The following AFF2 variants were observed in gnomAD, a reference collection of about 807,000 sequenced individuals.
AFF2 encodes the protein ALF transcription elongation factor 2.
AFF2 carries 14 observed loss-of-function variants against 76.9 expected under a neutral mutation model. The ratio of observed to expected loss-of-function variants is 0.18; its 90% CI spans 0.12 to 0.28. AFF2 has a LOEUF of 0.28. Ranked by LOEUF, AFF2 falls within the 10% of genes least tolerant of loss-of-function variation. The probability of loss-of-function intolerance (pLI) is 1.00; values close to 1 mark genes in which losing one functional copy is unlikely to be tolerated. For missense variants in AFF2, 868 were observed against 1,001.1 expected (o/e 0.87, Z 1.79); for synonymous variants, 398 against 366.7 (o/e 1.09, Z -0.98).
chrX:148,619,973 G>A (rs2053849768), intron 1 of AFF2, among the ~76,000 whole-genome samples: 1 of 111,867 alleles, frequency 8.9e-6, no homozygotes, highest in African/African-American at 3.2e-5. Flanking sequence ...ACATAATTTT[G>A]AAGAGTGACA....
intron 12 of AFF2, 39 bp downstream of exon 12, chrX:148,958,497 T>C (rs2072069648): frequency 2.5e-6 from 3 of 1,182,470 alleles, no homozygotes; most frequent in Non-Finnish European, 3.4e-6. Context: ...CTTGGTATGA[T>C]TGTTCAGACT....
chrX:148,748,490 G>A (rs1484455730), intron 3 of AFF2, among the ~76,000 whole-genome samples: 2 of 111,892 alleles, frequency 1.8e-5, no homozygotes, highest in African/African-American at 6.5e-5. Flanking sequence ...CTCCCGAAGA[G>A]CAAATACCGG....
intron 1 of AFF2, among the ~76,000 whole-genome samples, chrX:148,535,219 A>T (rs910398287): frequency 8.9e-6 from 1 of 112,272 alleles, no homozygotes; most frequent in Admixed American, 9.4e-5. Context: ...TGTGATTATT[A>T]TGATTATTAA....
chrX:148,514,581 A>C (rs1214066523), intron 1 of AFF2, among the ~76,000 whole-genome samples: 1 of 112,414 alleles, frequency 8.9e-6, no homozygotes, highest in Non-Finnish European at 1.9e-5. Flanking sequence ...GGTCTATGTG[A>C]TGTTGATCCT....
intron 7 of AFF2, among the ~76,000 whole-genome samples, chrX:148,881,506 T>C (rs1424597283): frequency 9.0e-6 from 1 of 111,375 alleles, no homozygotes; most frequent in African/African-American, 3.3e-5. Flanking sequence ...CAACTGTCTT[T>C]CAAATTTCTG....
chrX:148,965,281 A>G (rs1603350120), intron 13 of AFF2, among the ~76,000 whole-genome samples: 1 of 112,407 alleles, frequency 8.9e-6, no homozygotes. Flanking sequence ...GGGAGATACA[A>G]TTAATAGGAG....
chrX:148,560,095 C>A (rs904154694), intron 1 of AFF2, among the ~76,000 whole-genome samples: 2 of 111,270 alleles, frequency 1.8e-5, no homozygotes, highest in Admixed American at 9.6e-5. Context: ...AGTGTCTGTT[C>A]ATATCCTTCA....
At chrX:148,715,674 G>T (rs954367346) in intron 3 of AFF2, among the ~76,000 whole-genome samples, 7 of 112,070 alleles carry the variant, frequency 6.2e-5, no homozygotes, top group African/African-American at 2.3e-4. Flanking sequence ...CCAGATGGAT[G>T]AATTCACTGC....
intron 3 of AFF2, among the ~76,000 whole-genome samples, chrX:148,767,077 C>T (rs1211965965): frequency 1.8e-5 from 2 of 110,710 alleles, no homozygotes; most frequent in Non-Finnish European, 3.8e-5. Flanking sequence ...TATAACTTCT[C>T]AGATAACTGT....
chrX:148,552,778 G>T (rs1242618749), intron 1 of AFF2, among the ~76,000 whole-genome samples: 1 of 112,028 alleles, frequency 8.9e-6, no homozygotes, highest in African/African-American at 3.2e-5. Context: ...ATGGAGAATG[G>T]AAGACCTTAG....
chrX:148,824,626 A>G (rs1557272843), intron 4 of AFF2, among the ~76,000 whole-genome samples: 1 of 112,336 alleles, frequency 8.9e-6, no homozygotes, highest in Non-Finnish European at 1.9e-5. Flanking sequence ...GGGAAATTTA[A>G]TAAATTCGTG....
chrX:148,696,448 TAATA>T (rs1202755753), intron 3 of AFF2, among the ~76,000 whole-genome samples: 8 of 110,750 alleles, frequency 7.2e-5, no homozygotes, highest in Admixed American at 9.7e-5. Flanking sequence ...TAAAGTATAA[TAATA>T]AATAAATAAA....
intron 3 of AFF2, among the ~76,000 whole-genome samples, chrX:148,706,278 C>A (rs1312486669): frequency 8.9e-6 from 1 of 111,837 alleles, no homozygotes; most frequent in Non-Finnish European, 1.9e-5. Context: ...ATGATGTCTG[C>A]CATTTCGGAA....
rs782729476 is a variant in AFF2, at chrX:148,840,092, A to G, written c.1173+2359A>G. Among the ~76,000 whole-genome samples, 16 of 111,288 alleles carry G rather than the reference A, an allele frequency of 1.4e-4. No individual in the cohort carries two copies. The South Asian group carries it at 6.1e-3, about 42-fold the overall frequency. On this transcript the variant is annotated intron_variant, in intron 5 of 20. Coordinates refer to ENST00000370460, the MANE Select transcript of AFF2 (RefSeq NM_002025.4). ...ATGCCATGTTTTCTCATAGACGATG[A>G]AAAACCTCACAAGGAAGGGAGTAAG...
chrX:148,931,332 T>C (rs1482878334), intron 9 of AFF2, among the ~76,000 whole-genome samples: 1 of 108,934 alleles, frequency 9.2e-6, no homozygotes, highest in Non-Finnish European at 1.9e-5. Flanking sequence ...AGTTATTTCA[T>C]AGTATCTGCC....
At chrX:148,532,856 ATG>A (rs782177489) in intron 1 of AFF2, among the ~76,000 whole-genome samples, 5 of 110,202 alleles carry the variant, frequency 4.5e-5, no homozygotes, top group South Asian at 7.6e-4. Flanking sequence ...ATGTGTGTGT[ATG>A]TGTGTGTGTG....
chrX:148,584,301 A>T (rs2053444344), intron 1 of AFF2, among the ~76,000 whole-genome samples: 1 of 111,859 alleles, frequency 8.9e-6, no homozygotes, highest in Non-Finnish European at 1.9e-5. Flanking sequence ...ACAAGAAAAA[A>T]AAAGTCATTT....
At chrX:148,663,878 G>A (rs193213013) in intron 3 of AFF2, among the ~76,000 whole-genome samples, 1 of 112,125 alleles carries the variant, frequency 8.9e-6, no homozygotes, top group East Asian at 2.8e-4. Context: ...AGGACGATGG[G>A]AACATAAAGG....
chrX:148,638,575 A>C (rs1298124029), intron 1 of AFF2, among the ~76,000 whole-genome samples: 2 of 111,627 alleles, frequency 1.8e-5, no homozygotes, highest in Admixed American at 1.9e-4. Flanking sequence ...TAAAGAAAAG[A>C]GGTTTAATTG....
Sources: gnomAD v4.1 joint callset for allele counts (sites outside exome capture counted in the v4.1 genomes callset) on GRCh38, gnomAD v4.1.1 for gene constraint, MANE v1.5 for transcripts, NCBI Gene and HGNC (gene_info 2026-07-23, HGNC 2026-07-21) for gene names.